Variants in SULF1 observed in about 807,000 individuals in gnomAD.
SULF1 encodes the protein extracellular sulfatase Sulf-1.
SULF1 carries 46 observed loss-of-function variants against 110.5 expected under a neutral mutation model. The ratio of observed to expected loss-of-function variants is 0.42; its 90% CI spans 0.33 to 0.53. The LOEUF is 0.53. Among genes scored for constraint, SULF1 ranks in the 20% least tolerant of loss-of-function variants. The pLI, the probability that SULF1 is intolerant of heterozygous loss-of-function variation, is 0.12. For missense variants in SULF1, 941 were observed against 1,094.2 expected, an observed-to-expected ratio of 0.86 and a Z score of 1.98; for synonymous variants, 371 against 387.1, an observed-to-expected ratio of 0.96 and a Z score of 0.49.
intron 3 of SULF1, among the ~76,000 whole-genome samples, chr8:69,553,197 G>C (rs1425352625): frequency 6.6e-6 from 1 of 152,178 alleles, no homozygotes; most frequent in Non-Finnish European, 1.5e-5. Context: ...AAAGCAGATG[G>C]CCTGCATGCC....
chr8:69,643,328 T>C (rs997519037), intron 22 of SULF1, among the ~76,000 whole-genome samples: 1 of 152,208 alleles, frequency 6.6e-6, no homozygotes, highest in Non-Finnish European at 1.5e-5. Context: ...CCAATGGGGT[T>C]CAACAGTTCA....
At chr8:69,648,232 C>G (rs1009573705) in intron 22 of SULF1, among the ~76,000 whole-genome samples, 11 of 151,720 alleles carry the variant, frequency 7.3e-5, no homozygotes, top group African/African-American at 2.4e-4. Context: ...TCGGGCTCTT[C>G]CCATTGTGAA....
intron 13 of SULF1, among the ~76,000 whole-genome samples, chr8:69,616,429 T>C (rs1482872372): frequency 6.6e-6 from 1 of 151,886 alleles, no homozygotes; most frequent in African/African-American, 2.4e-5. Context: ...GGAAACAGAA[T>C]CTTGCTCTGT....
chr8:69,584,764 C>T (rs1426397163), intron 6 of SULF1, among the ~76,000 whole-genome samples: 1 of 152,150 alleles, frequency 6.6e-6, no homozygotes, highest in Non-Finnish European at 1.5e-5. Flanking sequence ...TGAATGCATA[C>T]CAATTTTACA....
At chr8:69,543,905 T>C (rs1029592251) in intron 3 of SULF1, among the ~76,000 whole-genome samples, 13 of 152,212 alleles carry the variant, frequency 8.5e-5, no homozygotes, top group African/African-American at 2.9e-4. Flanking sequence ...CCAGAGCCCC[T>C]TGGACTGTGA....
chr8:69,609,041 T>C (rs1808437869), intron 13 of SULF1, among the ~76,000 whole-genome samples: 1 of 152,112 alleles, frequency 6.6e-6, no homozygotes, highest in African/African-American at 2.4e-5. Flanking sequence ...TGGCGGCACA[T>C]TAAACTCACC....
chr8:69,638,817 G>C lies in SULF1; in HGVS notation c.2510G>C (p.Gly837Ala), dbSNP rs1811245534. 6.2e-7 allele frequency: 1 copy of C among 1,614,060 alleles called. No individual in the cohort carries two copies. Among genetic ancestry groups the C allele is most frequent in the Non-Finnish European group, 8.5e-7 (1 of 1,179,996 alleles). ...VQLMELRSCQGYKQCNPRPKN... is the reference protein window; with the variant it reads ...VQLMELRSCQAYKQCNPRPKN... ...CTAATGGAGCTCAGAAGCTGTCAAG[G>C]ATATAAGCAGTGCAACCCAAGACCT... is the stretch of plus-strand genomic sequence containing the variant. The change falls in exon 21 of 23, where the codon GGA becomes GCA. Residue 837 changes from glycine (G) to alanine (A), a missense_variant. This residue lies in a region of SULF1 where 112 missense variants were observed against 133.5 expected (regional missense o/e 0.84). Transcript: ENST00000402687.
At chr8:69,656,407 A>G (rs996603453) in intron 22 of SULF1, among the ~76,000 whole-genome samples, 1 of 152,166 alleles carries the variant, frequency 6.6e-6, no homozygotes, top group African/African-American at 2.4e-5. Flanking sequence ...TGCTGCACCT[A>G]TCAACCCATC....
chr8:69,522,132 C>G (rs1177624054), intron 3 of SULF1, among the ~76,000 whole-genome samples: 1 of 151,714 alleles, frequency 6.6e-6, no homozygotes, highest in African/African-American at 2.4e-5. Flanking sequence ...CTCACTGCAA[C>G]CTCCACCTCC....
intron 19 of SULF1, among the ~76,000 whole-genome samples, chr8:69,637,061 G>C (rs1362600655): frequency 1.3e-5 from 2 of 152,184 alleles, no homozygotes; most frequent in South Asian, 2.1e-4. Flanking sequence ...CATAGAATAA[G>C]AGAAGACAAC....
intron 13 of SULF1, among the ~76,000 whole-genome samples, chr8:69,610,853 T>G (rs1199343567): frequency 6.6e-6 from 1 of 152,242 alleles, no homozygotes; most frequent in Admixed American, 6.5e-5. Context: ...TGAATCCCAC[T>G]TTCTCACTTG....
At chr8:69,567,585 G>A (rs1363222317) in intron 5 of SULF1, among the ~76,000 whole-genome samples, 2 of 152,124 alleles carry the variant, frequency 1.3e-5, no homozygotes, top group Non-Finnish European at 2.9e-5. Flanking sequence ...AAATCATACA[G>A]CATTTATCTT....
In SULF1 at chr8:69,608,612, G is replaced by A. The variant is rs541863053; in HGVS notation, c.1377+3680G>A. Among the ~76,000 whole-genome samples, 72 of 152,250 alleles carry A rather than the reference G, an allele frequency of 4.7e-4. 1 individual carries two copies. In the South Asian group the frequency reaches 0.014, roughly 29 times the overall value. Reference sequence around the variant, plus strand: ...AGACCGGGGAATCACTTGAACCCAGGAGGCAGAGGTTGCAGTGAGTCAAGA... The same window carrying A: ...AGACCGGGGAATCACTTGAACCCAGAAGGCAGAGGTTGCAGTGAGTCAAGA... On this transcript the variant is annotated intron_variant, in intron 13 of 22. Transcript: ENST00000402687.
chr8:69,639,882 G>T (rs1000938054), intron 21 of SULF1, among the ~76,000 whole-genome samples: 2 of 152,160 alleles, frequency 1.3e-5, no homozygotes, highest in Non-Finnish European at 2.9e-5. Context: ...TGAGTTCTGG[G>T]AGTCCCCTAA....
upstream of SULF1, among the ~76,000 whole-genome samples, chr8:69,491,206 G>A (rs562626637): frequency 2.6e-5 from 4 of 152,140 alleles, no homozygotes; most frequent in African/African-American, 9.7e-5. Context: ...AAAAATAACA[G>A]GGGAAATGTC....
chr8:69,576,925 C>G (rs1007570634), intron 6 of SULF1, among the ~76,000 whole-genome samples: 1 of 152,200 alleles, frequency 6.6e-6, no homozygotes, highest in Non-Finnish European at 1.5e-5. Context: ...CCTACAATTT[C>G]TCTATTTTGA....
rs1810140499 is a variant in SULF1 at position 69,627,140 on chromosome 8, T to C, written c.1851-70T>C. 50 of 1,206,084 alleles carry C rather than the reference T, an allele frequency of 4.1e-5. 1 individual carries two copies. The South Asian group carries it at 6.2e-4, about 15-fold the overall frequency. 74.7% of individuals were successfully genotyped at this position (1,206,084 alleles called of 1,614,324 possible). A position where few individuals can be genotyped will look rare whatever the true frequency, so the allele number is the denominator to read the frequency against. ...AGGATTTTGAGGATTAAAATTTCTCTTTGTTATCTTTAGTGTTTTCTGCTA... is the reference window on the plus strand; with the variant it reads ...AGGATTTTGAGGATTAAAATTTCTCCTTGTTATCTTTAGTGTTTTCTGCTA... On this transcript the variant is annotated intron_variant, in intron 15 of 22. Transcript: ENST00000402687.
chr8:69,484,778 G>T (rs1809629958), intron 1 of SULF1, among the ~76,000 whole-genome samples: 1 of 151,600 alleles, frequency 6.6e-6, no homozygotes, highest in Non-Finnish European at 1.5e-5. Context: ...ATGGTCTCAG[G>T]AAAGGAGGAG....
chr8:69,586,544 C>T, intron 7 of SULF1, 36 bp downstream of exon 7: 1 of 1,592,576 alleles, frequency 6.3e-7, no homozygotes, highest in Non-Finnish European at 8.5e-7. Context: ...CATCAATTTA[C>T]TTTGTGCATA....
Sources: allele counts gnomAD v4.1 joint callset (sites outside exome capture counted in the v4.1 genomes callset), GRCh38; gene constraint gnomAD v4.1.1; regional missense constraint gnomAD v4.1.1; transcripts MANE v1.5; gene names NCBI Gene and HGNC (gene_info 2026-07-23, HGNC 2026-07-21).